BBX: variants seen among roughly 807,000 people sequenced by gnomAD.
BBX encodes the protein BBX high mobility group box domain containing.
In BBX, 30 loss-of-function variants were observed where a neutral mutation model predicts 100.2. The ratio of observed to expected loss-of-function variants is 0.30; its 90% CI spans 0.22 to 0.41. The LOEUF is 0.41. Ranked by LOEUF, BBX falls within the 10% of genes least tolerant of loss-of-function variation. The probability of loss-of-function intolerance (pLI) is 1.00; values close to 1 mark genes in which losing one functional copy is unlikely to be tolerated. For synonymous variants in BBX, 376 were observed against 388.1 expected, an observed-to-expected ratio of 0.97 and a Z score of 0.37; for missense variants, 1,023 against 1,129.8, an observed-to-expected ratio of 0.91 and a Z score of 1.35.
At chr3:107,667,007 C>G in intron 3 of BBX, among the ~76,000 whole-genome samples, 1 of 152,240 alleles carries the variant, frequency 6.6e-6, no homozygotes, top group South Asian at 2.1e-4. Flanking sequence ...TGAGAATTCA[C>G]CCCTCCTAAC....
intron 2 of BBX, among the ~76,000 whole-genome samples, chr3:107,604,788 A>G (rs2054309923): frequency 8.8e-6 from 1 of 113,794 alleles, no homozygotes; most frequent in South Asian, 2.7e-4. Flanking sequence ...TTTCCTTTTG[A>G]AACATAAGAG....
Position 107,811,221 on chromosome 3 carries a change from T to C in BBX, c.*5764T>C, listed in dbSNP as rs2071270329. ...ATTTTAAAGATATTATTCAAATATA[T>C]TTCTTTATGTTCACACTACTGGCCG... On this transcript the variant is annotated 3_prime_UTR_variant, in exon 18 of 18. Transcript: ENST00000325805. The C allele has an allele frequency of 2.0e-5, 3 of 152,220 alleles. No individual in the cohort carries two copies. The highest frequency in any genetic ancestry group is 7.2e-5 in the African/African-American group (3 of 41,456). 9.4% of individuals were successfully genotyped at this position (152,220 alleles called of 1,614,324 possible).
At chr3:107,689,539 G>A (rs1288236941) in intron 3 of BBX, among the ~76,000 whole-genome samples, 3 of 152,192 alleles carry the variant, frequency 2.0e-5, no homozygotes, top group Admixed American at 2.0e-4. Context: ...AACGACTTCT[G>A]AGAGTACTTT....
chr3:107,532,986 T>A (rs2048266625), intron 2 of BBX, among the ~76,000 whole-genome samples: 1 of 152,148 alleles, frequency 6.6e-6, no homozygotes, highest in Non-Finnish European at 1.5e-5. Flanking sequence ...AAGTTTTTTT[T>A]TTCCTTCAGA....
intron 4 of BBX, among the ~76,000 whole-genome samples, chr3:107,715,679 T>C (rs2062048427): frequency 2.0e-5 from 3 of 152,344 alleles, no homozygotes; most frequent in Middle Eastern, 3.4e-3. Flanking sequence ...AAAGTTAACC[T>C]GGCAGCCATG....
intron 3 of BBX, among the ~76,000 whole-genome samples, chr3:107,679,821 C>T (rs543198567): frequency 2.6e-5 from 4 of 152,266 alleles, no homozygotes; most frequent in Admixed American, 2.6e-4. Context: ...CATGAAGACT[C>T]ATTAAAAATT....
At chr3:107,664,587 C>G (rs992275836) in intron 3 of BBX, among the ~76,000 whole-genome samples, 2 of 152,152 alleles carry the variant, frequency 1.3e-5, no homozygotes, top group Non-Finnish European at 2.9e-5. Context: ...CCAATTGTCA[C>G]TCATACCTTT....
At chr3:107,648,859 T>C (rs2057676767) in intron 3 of BBX, among the ~76,000 whole-genome samples, 1 of 152,222 alleles carries the variant, frequency 6.6e-6, no homozygotes, top group South Asian at 2.1e-4. Context: ...AAAGATCCAA[T>C]AGTATATAAA....
chr3:107,732,945 G>A lies in BBX; in HGVS notation c.602-11G>A. On this transcript the variant is annotated splice_polypyrimidine_tract_variant and intron_variant, in intron 6 of 17. Transcript: ENST00000325805. The stretch of plus-strand genomic sequence containing the variant: ...GCTTATAAGTTGGTGATTTGTTTTT[G>A]ACTTATTTAGATCCTACTCAAATGG... 1 of 1,610,900 alleles carries A rather than the reference G, an allele frequency of 6.2e-7. No homozygotes were observed. Among genetic ancestry groups the A allele is most frequent in the South Asian group, 1.1e-5 (1 of 90,572 alleles).
intron 3 of BBX, among the ~76,000 whole-genome samples, chr3:107,647,388 A>T (rs1227242342): frequency 6.6e-6 from 1 of 152,214 alleles, no homozygotes; most frequent in Non-Finnish European, 1.5e-5. Flanking sequence ...ACCATGGCAG[A>T]CTTCACTAAG....
intron 3 of BBX, among the ~76,000 whole-genome samples, chr3:107,651,810 A>G (rs946530197): frequency 6.6e-6 from 1 of 152,036 alleles, no homozygotes; most frequent in Non-Finnish European, 1.5e-5. Context: ...ATCAGCTTCT[A>G]AATTAGGTAA....
At chr3:107,599,123 T>C (rs1348658297) in intron 2 of BBX, among the ~76,000 whole-genome samples, 1 of 152,146 alleles carries the variant, frequency 6.6e-6, no homozygotes, top group East Asian at 1.9e-4. Flanking sequence ...CCCTGTGTAA[T>C]AGTTTACCAG....
At chr3:107,577,537 A>G (rs1434506521) in intron 2 of BBX, among the ~76,000 whole-genome samples, 1 of 152,188 alleles carries the variant, frequency 6.6e-6, no homozygotes, top group South Asian at 2.1e-4. Flanking sequence ...ATCCTCATCT[A>G]TAAAATGGGA....
intron 2 of BBX, among the ~76,000 whole-genome samples, chr3:107,587,112 T>C (rs995931555): frequency 1.3e-5 from 2 of 152,148 alleles, no homozygotes; most frequent in African/African-American, 4.8e-5. Context: ...AAATATATTC[T>C]ACCATTTCTT....
chr3:107,643,731 G>A (rs1308536242), intron 2 of BBX, among the ~76,000 whole-genome samples: 1 of 152,160 alleles, frequency 6.6e-6, no homozygotes. Flanking sequence ...CGTCAAATCA[G>A]TACACTCTCT....
intron 2 of BBX, among the ~76,000 whole-genome samples, chr3:107,624,454 G>A (rs2056020319): frequency 6.6e-6 from 1 of 152,098 alleles, no homozygotes; most frequent in South Asian, 2.1e-4. Context: ...AATATACAGT[G>A]TATGAAAAGT....
chr3:107,555,496 T>G (rs2050029349), intron 2 of BBX, among the ~76,000 whole-genome samples: 1 of 152,218 alleles, frequency 6.6e-6, no homozygotes, highest in Non-Finnish European at 1.5e-5. Flanking sequence ...ATCACTGTTA[T>G]GATCATGAAG....
At chr3:107,741,658 A>G (rs2064120974) in intron 7 of BBX, among the ~76,000 whole-genome samples, 1 of 152,348 alleles carries the variant, frequency 6.6e-6, no homozygotes, top group East Asian at 1.9e-4. Flanking sequence ...TGGCTCTAGC[A>G]TAGGAATAGA....
chr3:107,746,714 A>T (rs2064635092), intron 8 of BBX, among the ~76,000 whole-genome samples: 1 of 152,036 alleles, frequency 6.6e-6, no homozygotes, highest in African/African-American at 2.4e-5. Context: ...CTAGCCTCCC[A>T]AAGTGCTGGG....
Sources: allele counts gnomAD v4.1 joint callset (sites outside exome capture counted in the v4.1 genomes callset), GRCh38; gene constraint gnomAD v4.1.1; transcripts MANE v1.5; gene names NCBI Gene and HGNC (gene_info 2026-07-23, HGNC 2026-07-21).